Variants in SLC30A8 observed in about 807,000 individuals in gnomAD.
SLC30A8 encodes the protein proton-coupled zinc antiporter SLC30A8.
Under a neutral mutation model 36.9 loss-of-function variants are expected in SLC30A8, and 27 were observed. The ratio of observed to expected loss-of-function variants is 0.73; its 90% CI spans 0.54 to 1.01. The LOEUF (loss-of-function observed/expected upper bound fraction) is 1.01. Ranked by LOEUF, SLC30A8 falls within the 50% of genes least tolerant of loss-of-function variation. SLC30A8 has a pLI of 0.00. For synonymous variants in SLC30A8, 164 were observed against 172.4 expected (o/e 0.95, Z 0.38); for missense variants, 439 against 452.0 (o/e 0.97, Z 0.26).
intron 2 of SLC30A8, among the ~76,000 whole-genome samples, chr8:117,094,419 T>A (rs1001796120): frequency 6.6e-6 from 1 of 152,098 alleles, no homozygotes; most frequent in African/African-American, 2.4e-5. Context: ...CTGATGAGTG[T>A]CTAGCCCTCA....
At chr8:117,136,903 T>C (rs1821389660) in intron 1 of SLC30A8, among the ~76,000 whole-genome samples, 1 of 152,018 alleles carries the variant, frequency 6.6e-6, no homozygotes, top group African/African-American at 2.4e-5. Flanking sequence ...TCAAACTCAT[T>C]TGTATTTTCT....
chr8:117,044,848 G>T (rs565057195), intron 2 of SLC30A8, among the ~76,000 whole-genome samples: 1 of 152,200 alleles, frequency 6.6e-6, no homozygotes, highest in Non-Finnish European at 1.5e-5. Flanking sequence ...CTGCAGGACC[G>T]CGGAGCCCTG....
At chr8:117,013,146 T>C (rs1816401714) in intron 1 of SLC30A8, among the ~76,000 whole-genome samples, 1 of 152,210 alleles carries the variant, frequency 6.6e-6, no homozygotes, top group Non-Finnish European at 1.5e-5. Context: ...GGATTTGTAT[T>C]CCTTCAGCTC....
chr8:117,116,229 G>A (rs1820439084), intron 2 of SLC30A8, among the ~76,000 whole-genome samples: 1 of 152,042 alleles, frequency 6.6e-6, no homozygotes, highest in African/African-American at 2.4e-5. Flanking sequence ...ATTTTGTTCT[G>A]AGTGTAATGG....
chr8:117,005,801 C>G (rs1816154427), intron 1 of SLC30A8, among the ~76,000 whole-genome samples: 1 of 152,192 alleles, frequency 6.6e-6, no homozygotes, highest in Non-Finnish European at 1.5e-5. Context: ...ATAACCTGAA[C>G]AGTTTTCCAA....
intron 2 of SLC30A8, among the ~76,000 whole-genome samples, chr8:117,120,159 TA>T (rs1318524165): frequency 6.6e-6 from 1 of 151,668 alleles, no homozygotes; most frequent in African/African-American, 2.4e-5. Context: ...ACAAAATAAC[TA>T]AAGTAATCTT....
intron 1 of SLC30A8, among the ~76,000 whole-genome samples, chr8:117,038,281 TTTTTTA>T (rs1472674407): frequency 1.3e-5 from 2 of 152,154 alleles, no homozygotes; most frequent in African/African-American, 4.8e-5. Flanking sequence ...TTGTACATCT[TTTTTTA>T]TTTTTATTTT....
chr8:117,073,063 T>C (rs2130801384), intron 2 of SLC30A8, among the ~76,000 whole-genome samples: 1 of 152,294 alleles, frequency 6.6e-6, no homozygotes, highest in East Asian at 1.9e-4. Flanking sequence ...GGTTGCTTTA[T>C]ATCTTTTGAT....
At chr8:117,079,497 T>A (rs1016860730) in intron 2 of SLC30A8, among the ~76,000 whole-genome samples, 3 of 152,196 alleles carry the variant, frequency 2.0e-5, no homozygotes, top group African/African-American at 7.2e-5. Context: ...TTGATTATTT[T>A]AAGCTTCATT....
In SLC30A8 at chr8:117,174,991, C is replaced by T. The variant is rs1344502509; in HGVS notation, c.*2310C>T. On this transcript the variant is annotated 3_prime_UTR_variant, in exon 8 of 8. Coordinates refer to ENST00000456015, the MANE Select transcript of SLC30A8 (RefSeq NM_173851.3). ...TTCTGAAGTTCTGACTCTCCCATTA[C>T]CCTTTCCCTGGTGTGGTCAGAACTC... 2 of 152,050 alleles carry T rather than the reference C, an allele frequency of 1.3e-5. No individual in the cohort carries two copies. The highest frequency in any genetic ancestry group is 1.5e-5 in the Non-Finnish European group (1 of 67,996). The allele number at this position is 152,050 out of a possible 1,614,324, so 9.4% of individuals were successfully genotyped here. A position where few individuals can be genotyped will look rare whatever the true frequency, so the allele number is the denominator to read the frequency against.
chr8:117,093,040 C>G (rs1391224729), intron 2 of SLC30A8, among the ~76,000 whole-genome samples: 1 of 152,062 alleles, frequency 6.6e-6, no homozygotes. Flanking sequence ...TCTATCCTTA[C>G]CAGGGGCTGG....
At chr8:117,134,975 C>G (rs1821291476), upstream of SLC30A8, 2 of 177,102 alleles carry the variant, frequency 1.1e-5, no homozygotes, top group Non-Finnish European at 2.4e-5. Flanking sequence ...GGTCAAAACC[C>G]TACATCAGCA....
At chr8:117,019,065 T>A (rs1175151244) in intron 1 of SLC30A8, among the ~76,000 whole-genome samples, 1 of 152,254 alleles carries the variant, frequency 6.6e-6, no homozygotes, top group Non-Finnish European at 1.5e-5. Flanking sequence ...AGTCTTGGTT[T>A]CATCTTAAAA....
At chr8:116,956,698 G>A (rs896791704) in intron 1 of SLC30A8, among the ~76,000 whole-genome samples, 6 of 152,142 alleles carry the variant, frequency 3.9e-5, no homozygotes, top group Non-Finnish European at 7.4e-5. Flanking sequence ...TGGACTTCAT[G>A]TTTTAAATCA....
chr8:117,138,097 A>AG (rs1241401077), intron 1 of SLC30A8, among the ~76,000 whole-genome samples: 7 of 151,060 alleles, frequency 4.6e-5, no homozygotes, highest in South Asian at 4.2e-4. Context: ...GAAAAAAAAA[A>AG]GTCGTGTAAA....
chr8:116,964,869 A>T (rs557461539), intron 1 of SLC30A8, among the ~76,000 whole-genome samples: 1 of 152,224 alleles, frequency 6.6e-6, no homozygotes, highest in Non-Finnish European at 1.5e-5. Context: ...AGTATCTACT[A>T]TGTGTTAATG....
intron 2 of SLC30A8, among the ~76,000 whole-genome samples, chr8:117,148,123 G>T (rs2130969306): frequency 6.6e-6 from 1 of 152,042 alleles, no homozygotes; most frequent in Non-Finnish European, 1.5e-5. Flanking sequence ...ATAGGTAACT[G>T]TTTTAAACTT....
chr8:116,968,891 C>T (rs1372345619), intron 1 of SLC30A8, among the ~76,000 whole-genome samples: 1 of 152,058 alleles, frequency 6.6e-6, no homozygotes, highest in African/African-American at 2.4e-5. Flanking sequence ...CATGCACCAC[C>T]ATGCCTAGCT....
In SLC30A8 at chr8:117,081,264, G is replaced by T. The variant is rs76566203; in HGVS notation, c.-226+42006G>T. On this transcript the variant is annotated intron_variant, in intron 2 of 10. Coordinates refer to the SLC30A8 transcript ENST00000427715. ...CTGCCATAACAAAACACCACAGACT[G>T]GGGCGCTTAAATAACAGAAATATTA... 2.5e-3 allele frequency among the ~76,000 whole-genome samples: 381 copies of T among 152,240 alleles called. 2 individuals carry two copies. Among genetic ancestry groups the T allele is most frequent in the Non-Finnish European group, 4.7e-3 (322 of 68,016 alleles).
Sources: allele counts gnomAD v4.1 joint callset (sites outside exome capture counted in the v4.1 genomes callset), GRCh38; gene constraint gnomAD v4.1.1; transcripts MANE v1.5; gene names NCBI Gene and HGNC (gene_info 2026-07-23, HGNC 2026-07-21).